PDZD2: variants seen among roughly 807,000 people sequenced by gnomAD.
The protein encoded by PDZD2 is PDZ domain containing 2.
In PDZD2, 90 loss-of-function variants were observed where a neutral mutation model predicts 220.7. The ratio of observed to expected loss-of-function variants is 0.41; its 90% CI spans 0.34 to 0.49. PDZD2 has a LOEUF of 0.49. Among genes scored for constraint, PDZD2 ranks in the 20% least tolerant of loss-of-function variants. The pLI, the probability that PDZD2 is intolerant of heterozygous loss-of-function variation, is 0.28. For synonymous variants in PDZD2, 1,375 were observed against 1,450.5 expected, an observed-to-expected ratio of 0.95 and a Z score of 1.18; for missense variants, 3,174 against 3,608.5, an observed-to-expected ratio of 0.88 and a Z score of 3.08.
chr5:31,644,779 T>C lies in PDZD2; in HGVS notation c.-361+5342T>C, dbSNP rs139232117. On this transcript the variant is annotated intron_variant, in intron 1 of 24. Coordinates refer to ENST00000438447, the MANE Select transcript of PDZD2 (RefSeq NM_178140.4). ...TATGAACTTCCAGAAAATCAGAAACTTAAGATTCTCAACTCTCTTTATGAA... is the reference window on the plus strand; with the variant it reads ...TATGAACTTCCAGAAAATCAGAAACCTAAGATTCTCAACTCTCTTTATGAA... Among the ~76,000 whole-genome samples, 1,044 of 152,314 alleles carry C rather than the reference T, an allele frequency of 6.9e-3. 8 individuals carry two copies. Among genetic ancestry groups the C allele is most frequent in the African/African-American group, 0.024 (992 of 41,564 alleles).
chr5:31,916,349 A>G lies in PDZD2; in HGVS notation c.477-66806A>G, dbSNP rs75113840. On this transcript the variant is annotated intron_variant, in intron 2 of 24. Coordinates refer to ENST00000438447, the MANE Select transcript of PDZD2 (RefSeq NM_178140.4). Reference sequence around the variant, plus strand: ...AGTTGCATTGCGTAGAGCAGGCTCAACCCCTCCAGGGGAGGGTGCCCTTGC... The same window carrying G: ...AGTTGCATTGCGTAGAGCAGGCTCAGCCCCTCCAGGGGAGGGTGCCCTTGC... 8.3e-3 allele frequency among the ~76,000 whole-genome samples: 1,270 copies of G among 152,210 alleles called. 23 individuals carry two copies. The highest frequency in any genetic ancestry group is 0.029 in the African/African-American group (1,214 of 41,540).
At chr5:31,667,936 A>G (rs1746065737) in intron 1 of PDZD2, among the ~76,000 whole-genome samples, 2 of 129,140 alleles carry the variant, frequency 1.5e-5, no homozygotes, top group South Asian at 4.6e-4. Flanking sequence ...ATTTCGGCTC[A>G]CTGCAACCTC....
At chr5:31,760,848 C>T (rs777339886) in intron 1 of PDZD2, among the ~76,000 whole-genome samples, 6 of 151,946 alleles carry the variant, frequency 3.9e-5, no homozygotes, top group East Asian at 3.9e-4. Flanking sequence ...CTTGAGCCCA[C>T]GAGGCAGAGG....
intron 1 of PDZD2, among the ~76,000 whole-genome samples, chr5:31,764,875 G>A (rs966147614): frequency 9.2e-5 from 14 of 152,148 alleles, no homozygotes; most frequent in South Asian, 2.1e-4. Context: ...TCAGGAGTTC[G>A]AGACCGGCCT....
Position 32,088,311 on chromosome 5 carries a change from T to G in PDZD2, c.4863T>G (p.Ala1621=), listed in dbSNP as rs1561553360. 6.2e-7 allele frequency: 1 copy of G among 1,614,114 alleles called. No individual in the cohort carries two copies. Among genetic ancestry groups the G allele is most frequent in the Admixed American group, 1.7e-5 (1 of 60,016 alleles). ...PSSPAHLPTQ[A]AICPASAKVL... ...GTCCTGCTCATCTTCCCACCCAGGC[T>G]GCCATCTGTCCTGCCTCAGCCAAAG... Residue 1621 remains alanine (A), a synonymous_variant, in exon 20 of 25, where the codon GCT becomes GCG. Transcript: ENST00000438447. This position sits in a 1 kb window ranked among gnomAD's most constrained non-coding sequence, Gnocchi z 4.6.
intron 1 of PDZD2, among the ~76,000 whole-genome samples, chr5:31,667,296 C>T (rs1452581702): frequency 1.4e-5 from 2 of 148,052 alleles, no homozygotes; most frequent in East Asian, 2.0e-4. Context: ...TCCCCTTCTT[C>T]TAGACACTAG....
At position 31,799,439 on chromosome 5, in the gene PDZD2, C is replaced by G. The variant is rs752516485; in HGVS notation, c.191C>G (p.Pro64Arg). 5.6e-6 allele frequency: 9 copies of G among 1,614,090 alleles called. No individual in the cohort carries two copies. The highest frequency in any genetic ancestry group is 1.1e-5 in the South Asian group (1 of 91,086). The change falls in exon 2 of 25, where the codon CCC becomes CGC. Residue 64 changes from proline to arginine, a missense_variant. By Grantham distance (103) the Pro-to-Arg change is moderately radical. Around this residue, in one of 4 missense-constraint regions of PDZD2, gnomAD observed 632 missense variants for 708.1 expected, o/e 0.89. Coordinates refer to ENST00000438447, the MANE Select transcript of PDZD2 (RefSeq NM_178140.4). ...ACGGTCCCACCTGATCACAGCCCCC[C>G]CGAAATGGAGATCTGTACTGTGTAC... The part of the protein sequence containing the change: ...ESTVPPDHSP[P>R]EMEICTVYLT...
intron 1 of PDZD2, among the ~76,000 whole-genome samples, chr5:31,732,313 C>T (rs1016417454): frequency 6.6e-6 from 1 of 152,192 alleles, no homozygotes; most frequent in Non-Finnish European, 1.5e-5. Flanking sequence ...GGTCCCTGAC[C>T]ACATTTTGAG....
At chr5:31,849,106 C>T (rs1757772118) in intron 2 of PDZD2, among the ~76,000 whole-genome samples, 1 of 152,148 alleles carries the variant, frequency 6.6e-6, no homozygotes, top group East Asian at 1.9e-4. Flanking sequence ...TGATTATTTC[C>T]CCAGGCAATG....
At chr5:32,041,396 C>T (rs1479018405) in intron 7 of PDZD2, among the ~76,000 whole-genome samples, 1 of 151,400 alleles carries the variant, frequency 6.6e-6, no homozygotes, top group African/African-American at 2.4e-5. Flanking sequence ...GTTTTGTCAT[C>T]AAGAAAAGGG....
chr5:31,883,281 C>T (rs1337785930), intron 2 of PDZD2, among the ~76,000 whole-genome samples: 12 of 131,612 alleles, frequency 9.1e-5, no homozygotes, highest in Non-Finnish European at 1.6e-4. Flanking sequence ...AGTGCAGTGG[C>T]ACAATCTCAG....
intron 2 of PDZD2, among the ~76,000 whole-genome samples, chr5:31,906,376 G>A (rs1385093312): frequency 6.6e-6 from 1 of 150,912 alleles, no homozygotes; most frequent in Non-Finnish European, 1.5e-5. Context: ...TCCCACCTCA[G>A]TTTTTGTATT....
rs951795524 is a variant in PDZD2 at position 31,840,407 on chromosome 5, T to C, written c.476+40683T>C. ...AGTAGTCATTTTCATTATATATATATATATATATATATATATATATATATA... is the reference window on the plus strand; with the variant it reads ...AGTAGTCATTTTCATTATATATATACATATATATATATATATATATATATA... On this transcript the variant is annotated intron_variant, in intron 2 of 24. Transcript: ENST00000438447. The C allele has an allele frequency of 2.4e-4, 14 of 58,064 alleles. 1 individual carries two copies. The highest frequency in any genetic ancestry group is 8.6e-4 in the African/African-American group (13 of 15,030). 3.6% of individuals were successfully genotyped at this position (58,064 alleles called of 1,614,324 possible). A position where few individuals can be genotyped will look rare whatever the true frequency, so the allele number is the denominator to read the frequency against.
Position 31,789,650 on chromosome 5 carries a change from T to C in PDZD2, c.-360-9239T>C, listed in dbSNP as rs533524514. The stretch of plus-strand genomic sequence containing the variant: ...ATAAGTACAATAAAAACTTCCGGGC[T>C]GGGCGTGGTGGCTCATGCCTATAAC... On this transcript the variant is annotated intron_variant, in intron 1 of 24. Coordinates refer to ENST00000438447, the MANE Select transcript of PDZD2 (RefSeq NM_178140.4). Among the ~76,000 whole-genome samples, 390 of 152,312 alleles carry C rather than the reference T, an allele frequency of 2.6e-3. 1 individual carries two copies. Among genetic ancestry groups the C allele is most frequent in the African/African-American group, 8.6e-3 (358 of 41,576 alleles).
intron 2 of PDZD2, among the ~76,000 whole-genome samples, chr5:31,888,911 T>C (rs1372180094): frequency 6.6e-6 from 1 of 152,100 alleles, no homozygotes; most frequent in Non-Finnish European, 1.5e-5. Flanking sequence ...GGAATGGAAA[T>C]GTTCCCAGTC....
At chr5:31,689,353 A>ATATATATATATATATATATT in intron 1 of PDZD2, among the ~76,000 whole-genome samples, 1 of 35,140 alleles carries the variant, frequency 2.8e-5, no homozygotes, top group African/African-American at 2.1e-4. Context: ...ATATATATAT[A>ATATATATATATATATATATT]TTTTTTTTTT....
chr5:32,074,033 T>C lies in PDZD2; in HGVS notation c.2927T>C (p.Phe976Ser). 1 of 1,614,108 alleles carries C rather than the reference T, an allele frequency of 6.2e-7. No homozygotes were observed. The highest frequency in any genetic ancestry group is 8.5e-7 in the Non-Finnish European group (1 of 1,180,006). Residue 976 changes from phenylalanine to serine, a missense_variant, in exon 18 of 25, where the codon TTT becomes TCT. Phe to Ser is a radical substitution (Grantham distance 155). Transcript: ENST00000438447. ...DANDASDEEE[F>S]DREGDCISLP... ...AACGATGCCAGTGATGAGGAAGAGT[T>C]TGACAGAGAAGGGGACTGCATTTCA...
At chr5:31,858,012 G>C (rs190390228) in intron 2 of PDZD2, among the ~76,000 whole-genome samples, 1 of 152,264 alleles carries the variant, frequency 6.6e-6, no homozygotes, top group East Asian at 1.9e-4. Context: ...TTTTAGTAGA[G>C]ACGGGATTTC....
intron 8 of PDZD2, chr5:32,052,354 T>TA (rs1384607079): frequency 2.9e-6 from 1 of 349,800 alleles, no homozygotes; most frequent in Admixed American, 4.0e-5. Flanking sequence ...CCACGTTGGC[T>TA]AGGCTGGTCT....
Sources: allele counts gnomAD v4.1 joint callset (sites outside exome capture counted in the v4.1 genomes callset), GRCh38; gene constraint gnomAD v4.1.1; regional missense constraint gnomAD v4.1.1; non-coding constraint Gnocchi (gnomAD v3.1); transcripts MANE v1.5; gene names NCBI Gene and HGNC (gene_info 2026-07-23, HGNC 2026-07-21).